ARL13B: variants seen among roughly 807,000 people sequenced by gnomAD.
ARL13B encodes the protein ARF like GTPase 13B.
Under a neutral mutation model 56.1 loss-of-function variants are expected in ARL13B, and 36 were observed. The observed-to-expected ratio is 0.64, with a 90% CI of 0.49 to 0.85. The LOEUF (loss-of-function observed/expected upper bound fraction) is 0.85, where lower values mean the gene tolerates loss of function less well. ARL13B is among the 40% of genes least tolerant of loss of function. ARL13B has a pLI of 0.00. For missense variants in ARL13B, 519 were observed against 507.1 expected, an observed-to-expected ratio of 1.02 and a Z score of -0.23; for synonymous variants, 178 against 171.1, an observed-to-expected ratio of 1.04 and a Z score of -0.32.
At chr3:93,989,127 TC>T (rs1710617356) in intron 1 of ARL13B, among the ~76,000 whole-genome samples, 1 of 152,240 alleles carries the variant, frequency 6.6e-6, no homozygotes, top group Non-Finnish European at 1.5e-5. Flanking sequence ...GTAAGCTTTT[TC>T]AGAAAACTTC....
chr3:93,996,080 T>G lies in ARL13B; in HGVS notation c.130+136T>G. The G allele has an allele frequency of 3.3e-6, 3 of 900,664 alleles. No homozygotes were observed. The South Asian group carries it at 4.7e-5, about 14-fold the overall frequency. The allele number at this position is 900,664 out of a possible 1,614,324, so 55.8% of individuals were successfully genotyped here. On this transcript the variant is annotated intron_variant, in intron 2 of 9. Transcript: ENST00000394222. ...CATTACTTTATATTCTTAGTATATT[T>G]GTGACTCTTGTGGCGAATAGGCTCT... is the stretch of plus-strand genomic sequence containing the variant.
rs368491848 is a variant in ARL13B at position 94,035,442 on chromosome 3, GTTTT to G, written c.486+19_486+22del. 220 of 1,285,426 alleles carry G rather than the reference GTTTT, an allele frequency of 1.7e-4. No homozygotes were observed. The African/African-American group carries it at 3.1e-3, about 18-fold the overall frequency. 79.6% of individuals were successfully genotyped at this position (1,285,426 alleles called of 1,614,324 possible). Reference sequence around the variant, plus strand: ...ACAAGTGCCTGTGTCAGATAGTAAGGTTTTTTTTTTTTTTTTAATTTTAATTTTT... The same window carrying G: ...ACAAGTGCCTGTGTCAGATAGTAAGGTTTTTTTTTTTTAATTTTAATTTTT... On this transcript the variant is annotated splice_region_variant and intron_variant, in intron 4 of 9. Transcript: ENST00000394222.
At chr3:93,981,865 CAAAAAAA>C (rs11396818) in intron 1 of ARL13B, among the ~76,000 whole-genome samples, 63 of 68,394 alleles carry the variant, frequency 9.2e-4, no homozygotes, top group African/African-American at 2.0e-3. Flanking sequence ...AACCCTGTCT[CAAAAAAA>C]AAAAAAAAAA....
intron 3 of ARL13B, among the ~76,000 whole-genome samples, chr3:94,028,970 A>G (rs558281446): frequency 7.5e-4 from 114 of 152,254 alleles, no homozygotes; most frequent in African/African-American, 2.7e-3. Flanking sequence ...ACAAAATCAT[A>G]GAATTTCAGA....
At chr3:94,014,267 A>G (rs2076280575) in intron 3 of ARL13B, 1 of 840,322 alleles carries the variant, frequency 1.2e-6, no homozygotes, top group African/African-American at 1.8e-5. Context: ...GAAAATTACA[A>G]CTTAACAGTG....
intron 3 of ARL13B, among the ~76,000 whole-genome samples, chr3:94,011,383 G>A (rs2076222229): frequency 6.6e-6 from 1 of 152,040 alleles, no homozygotes; most frequent in African/African-American, 2.4e-5. Context: ...ATCTTTCTTA[G>A]AATGTTTGTT....
intron 3 of ARL13B, among the ~76,000 whole-genome samples, chr3:94,034,851 A>T (rs571735350): frequency 6.6e-6 from 1 of 152,172 alleles, no homozygotes; most frequent in Admixed American, 6.5e-5. Flanking sequence ...CTATTTTAGC[A>T]ATAATAAGGG....
chr3:94,036,010 C>CT (rs1158220551), intron 4 of ARL13B, among the ~76,000 whole-genome samples: 1 of 152,014 alleles, frequency 6.6e-6, no homozygotes, highest in African/African-American at 2.4e-5. Context: ...GAGGCTGAGG[C>CT]TGCAGTGAGT....
At chr3:94,004,386 A>G (rs574235450) in intron 3 of ARL13B, among the ~76,000 whole-genome samples, 104 of 152,242 alleles carry the variant, frequency 6.8e-4, no homozygotes, top group African/African-American at 2.5e-3. Flanking sequence ...TTGTTATCAA[A>G]TTAGGCATAC....
At chr3:94,019,899 G>A (rs779063606) in intron 3 of ARL13B, among the ~76,000 whole-genome samples, 10 of 152,140 alleles carry the variant, frequency 6.6e-5, no homozygotes, top group South Asian at 4.1e-4. Flanking sequence ...AGTATGTGAC[G>A]TTTTTCCCCA....
intron 3 of ARL13B, among the ~76,000 whole-genome samples, chr3:94,021,487 G>A (rs2076448460): frequency 6.6e-6 from 1 of 151,944 alleles, no homozygotes; most frequent in African/African-American, 2.4e-5. Context: ...AAACCACCAT[G>A]CCTGGCCAAA....
intron 9 of ARL13B, 50 bp downstream of exon 9, chr3:94,050,942 A>C (rs774059014): frequency 6.5e-7 from 1 of 1,542,534 alleles, no homozygotes; most frequent in South Asian, 1.1e-5. Context: ...TGTCACATTC[A>C]CTTTTCTTTA....
Position 94,015,001 on chromosome 3 carries a change from CTCTT to C in ARL13B, c.380+11094_380+11097del. On this transcript the variant is annotated intron_variant, in intron 3 of 9. Coordinates refer to ENST00000394222, the MANE Select transcript of ARL13B (RefSeq NM_001174150.2). ...TATCTCCTTTGTAATGGTAGACTCT[CTCTT>C]AAGTAGACTAAACCTTCTCATTGAA... The C allele has an allele frequency of 3.1e-6, 5 of 1,614,080 alleles. No individual in the cohort carries two copies. In the Middle Eastern group the frequency reaches 5.0e-4, roughly 160 times the overall value.
intron 1 of ARL13B, among the ~76,000 whole-genome samples, chr3:93,981,607 T>C (rs1161731503): frequency 6.6e-6 from 1 of 151,732 alleles, no homozygotes; most frequent in South Asian, 2.1e-4. Context: ...ATGGGCTGGG[T>C]GTGGTGGCTC....
At chr3:93,992,255 A>C (rs190326442) in intron 1 of ARL13B, among the ~76,000 whole-genome samples, 1 of 152,130 alleles carries the variant, frequency 6.6e-6, no homozygotes. Flanking sequence ...GAGAACAAGG[A>C]GTTATTTTTC....
chr3:93,992,393 T>G (rs1304410769), intron 1 of ARL13B, among the ~76,000 whole-genome samples: 6 of 152,210 alleles, frequency 3.9e-5, no homozygotes, highest in African/African-American at 1.4e-4. Flanking sequence ...CTTCTCTGAC[T>G]TCCAGAGTGG....
At chr3:93,988,691 T>C (rs1710586870) in intron 1 of ARL13B, 1 of 467,072 alleles carries the variant, frequency 2.1e-6, no homozygotes, top group Admixed American at 2.6e-5. Context: ...TCCTCGGTTT[T>C]AGTTTCTTCG....
chr3:94,003,455 G>T (rs2076085466), intron 2 of ARL13B, among the ~76,000 whole-genome samples: 1 of 152,094 alleles, frequency 6.6e-6, no homozygotes, highest in Non-Finnish European at 1.5e-5. Flanking sequence ...TGTTATATCA[G>T]GGGAAAGAAA....
At chr3:93,988,238 GAAAA>G (rs370248759) in intron 1 of ARL13B, among the ~76,000 whole-genome samples, 1 of 119,874 alleles carries the variant, frequency 8.3e-6, no homozygotes, top group African/African-American at 3.1e-5. Flanking sequence ...ACAATTCTGT[GAAAA>G]AAAAAAAAAA....
Sources: gnomAD v4.1 joint callset for allele counts (sites outside exome capture counted in the v4.1 genomes callset) on GRCh38, gnomAD v4.1.1 for gene constraint, MANE v1.5 for transcripts, NCBI Gene and HGNC (gene_info 2026-07-23, HGNC 2026-07-21) for gene names.